GRM1: variants seen among roughly 807,000 people sequenced by gnomAD.
The protein encoded by GRM1 is metabotropic glutamate receptor 1.
GRM1 carries 33 observed loss-of-function variants against 90.9 expected under a neutral mutation model. The observed-to-expected ratio is 0.36, with a 90% confidence interval of 0.28 to 0.49. The LOEUF is 0.49. Ranked by LOEUF, GRM1 falls within the 20% of genes least tolerant of loss-of-function variation. The pLI, the probability that GRM1 is intolerant of heterozygous loss-of-function variation, is 0.99. For missense variants in GRM1, 1,190 were observed against 1,534.3 expected (o/e 0.78, Z 3.75); for synonymous variants, 700 against 613.2 (o/e 1.14, Z -2.09).
chr6:146,214,597 G>A (rs1238367514), intron 2 of GRM1, among the ~76,000 whole-genome samples: 1 of 152,116 alleles, frequency 6.6e-6, no homozygotes, highest in Non-Finnish European at 1.5e-5. Context: ...TTGTATTGTA[G>A]GTCAGAGAAC....
intron 3 of GRM1, among the ~76,000 whole-genome samples, chr6:146,340,702 C>G (rs529939569): frequency 1.3e-5 from 2 of 152,130 alleles, no homozygotes; most frequent in Non-Finnish European, 2.9e-5. Context: ...TGCACCACTA[C>G]ACCCAGCTAA....
intron 2 of GRM1, among the ~76,000 whole-genome samples, chr6:146,164,082 A>AT (rs5880667): frequency 6.6e-6 from 1 of 151,556 alleles, no homozygotes; most frequent in Non-Finnish European, 1.5e-5. Flanking sequence ...TAATTCTTAA[A>AT]TTTTTTTTTA....
At chr6:146,102,283 A>G (rs1038588588) in intron 1 of GRM1, among the ~76,000 whole-genome samples, 4 of 152,166 alleles carry the variant, frequency 2.6e-5, no homozygotes, top group Admixed American at 2.6e-4. Context: ...TTCACTTAAC[A>G]TACCAACTTC....
intron 2 of GRM1, among the ~76,000 whole-genome samples, chr6:146,279,629 A>G (rs1404514604): frequency 6.6e-6 from 1 of 152,084 alleles, no homozygotes; most frequent in Non-Finnish European, 1.5e-5. Flanking sequence ...AGATTGTGTT[A>G]TTATTGATTT....
intron 7 of GRM1, among the ~76,000 whole-genome samples, chr6:146,402,641 C>T (rs1330924195): frequency 6.6e-6 from 1 of 152,124 alleles, no homozygotes; most frequent in Admixed American, 6.6e-5. Flanking sequence ...GCATGTGTAG[C>T]TATAAACACA....
chr6:146,174,809 A>T (rs1778276437), intron 2 of GRM1, among the ~76,000 whole-genome samples: 1 of 152,198 alleles, frequency 6.6e-6, no homozygotes, highest in African/African-American at 2.4e-5. Context: ...CATCCATCCA[A>T]AATCTCATTA....
intron 1 of GRM1, among the ~76,000 whole-genome samples, chr6:146,127,333 A>G (rs1343482709): frequency 6.6e-6 from 1 of 152,176 alleles, no homozygotes; most frequent in Non-Finnish European, 1.5e-5. Context: ...ATAGAGAATG[A>G]TTGGCAAATA....
At chr6:146,431,898 CAG>C (rs1301015861) in intron 7 of GRM1, among the ~76,000 whole-genome samples, 1 of 152,058 alleles carries the variant, frequency 6.6e-6, no homozygotes, top group Admixed American at 6.6e-5. Flanking sequence ...GATGATGGGG[CAG>C]TTGAAAAAGA....
At chr6:146,246,032 A>G (rs1411473674) in intron 2 of GRM1, among the ~76,000 whole-genome samples, 1 of 152,210 alleles carries the variant, frequency 6.6e-6, no homozygotes, top group Non-Finnish European at 1.5e-5. Flanking sequence ...TAGATAAATT[A>G]AATGATGCTT....
At chr6:146,270,876 T>TC (rs1491341560) in intron 2 of GRM1, among the ~76,000 whole-genome samples, 1 of 91,602 alleles carries the variant, frequency 1.1e-5, no homozygotes, top group African/African-American at 5.4e-5. Flanking sequence ...TTTCTTTCTT[T>TC]CTTTCTTTCT....
At chr6:146,252,661 T>C (rs976352179) in intron 2 of GRM1, among the ~76,000 whole-genome samples, 1 of 152,122 alleles carries the variant, frequency 6.6e-6, no homozygotes, top group African/African-American at 2.4e-5. Context: ...TTTAGAGTTT[T>C]CCAGCAGGAC....
chr6:146,190,041 G>A (rs1778885631), intron 2 of GRM1, among the ~76,000 whole-genome samples: 1 of 152,136 alleles, frequency 6.6e-6, no homozygotes, highest in Admixed American at 6.5e-5. Context: ...GTTGTTGAGT[G>A]GAGTTCAGTA....
At chr6:146,346,170 A>G (rs369259139) in intron 3 of GRM1, among the ~76,000 whole-genome samples, 1 of 152,210 alleles carries the variant, frequency 6.6e-6, no homozygotes, top group East Asian at 1.9e-4. Flanking sequence ...ATTTTCAGAG[A>G]ATCAAGATCT....
At chr6:146,392,727 T>A (rs181043651) in intron 6 of GRM1, among the ~76,000 whole-genome samples, 15 of 152,246 alleles carry the variant, frequency 9.9e-5, no homozygotes, top group Admixed American at 6.5e-4. Flanking sequence ...GATGTTCCCC[T>A]CGCTATGCCC....
chr6:146,356,562 G>T (rs1029194453), intron 4 of GRM1, among the ~76,000 whole-genome samples: 2 of 152,108 alleles, frequency 1.3e-5, no homozygotes, highest in South Asian at 2.1e-4. Context: ...TGAATGGAAG[G>T]GGGTGAACAT....
chr6:146,409,509 T>C (rs1777481396), intron 7 of GRM1, among the ~76,000 whole-genome samples: 1 of 152,206 alleles, frequency 6.6e-6, no homozygotes, highest in Admixed American at 6.5e-5. Flanking sequence ...TGCCTCTCCA[T>C]TGCCTCGGGA....
At chr6:146,344,857 G>A (rs1785116364) in intron 3 of GRM1, among the ~76,000 whole-genome samples, 1 of 151,786 alleles carries the variant, frequency 6.6e-6, no homozygotes, top group African/African-American at 2.4e-5. Flanking sequence ...TGTTGCCCAG[G>A]CTGGAGTGCA....
intron 7 of GRM1, chr6:146,426,635 A>C (rs1562693310): frequency 7.0e-7 from 1 of 1,419,704 alleles, no homozygotes; most frequent in Non-Finnish European, 1.0e-6. Flanking sequence ...CCCACACTGC[A>C]GTGAATGTGT....
At chr6:146,043,811 A>AGATATATATAT (rs1554260501) in intron 1 of GRM1, among the ~76,000 whole-genome samples, 1 of 145,590 alleles carries the variant, frequency 6.9e-6, no homozygotes, top group African/African-American at 2.5e-5. Flanking sequence ...ATATATATAT[A>AGATATATATAT]AAGGGAAGTG....
Sources: gnomAD v4.1 joint callset for allele counts (sites outside exome capture counted in the v4.1 genomes callset) on GRCh38, gnomAD v4.1.1 for gene constraint, MANE v1.5 for transcripts, NCBI Gene and HGNC (gene_info 2026-07-23, HGNC 2026-07-21) for gene names.